TAFA2: variants seen among roughly 807,000 people sequenced by gnomAD.
The protein encoded by TAFA2 is chemokine-like protein TAFA-2.
Under a neutral mutation model 18.8 loss-of-function variants are expected in TAFA2, and 7 were observed. That is an observed-to-expected ratio of 0.37 (90% CI 0.21 to 0.70). The LOEUF (loss-of-function observed/expected upper bound fraction) is 0.70, where lower values mean the gene tolerates loss of function less well. Among genes scored for constraint, TAFA2 ranks in the 30% least tolerant of loss-of-function variants. The pLI, the probability that TAFA2 is intolerant of heterozygous loss-of-function variation, is 0.53. For synonymous variants in TAFA2, 60 were observed against 54.2 expected, an observed-to-expected ratio of 1.11 and a Z score of -0.47; for missense variants, 122 against 158.1, an observed-to-expected ratio of 0.77 and a Z score of 1.23.
At chr12:61,895,619 G>A (rs1875807924) in intron 1 of TAFA2, among the ~76,000 whole-genome samples, 1 of 152,152 alleles carries the variant, frequency 6.6e-6, no homozygotes, top group Non-Finnish European at 1.5e-5. Flanking sequence ...GCTTACTTCA[G>A]AAGACCTTAA....
intron 2 of TAFA2, among the ~76,000 whole-genome samples, chr12:61,810,936 G>A (rs1452937783): frequency 6.6e-6 from 1 of 151,320 alleles, no homozygotes; most frequent in Non-Finnish European, 1.5e-5. Context: ...CCACTGCCAA[G>A]TGGGTGGGAA....
chr12:61,809,389 T>A (rs184905267), intron 2 of TAFA2, among the ~76,000 whole-genome samples: 4 of 151,656 alleles, frequency 2.6e-5, no homozygotes, highest in Admixed American at 2.6e-4. Flanking sequence ...ATAGTGAGTA[T>A]CAATAAATGT....
intron 1 of TAFA2, among the ~76,000 whole-genome samples, chr12:62,043,639 T>A (rs1881830105): frequency 6.6e-6 from 1 of 152,050 alleles, no homozygotes; most frequent in African/African-American, 2.4e-5. Flanking sequence ...AAAAAAGAAT[T>A]ATTATGGTAA....
chr12:62,095,197 C>T (rs1447173450), intron 1 of TAFA2, among the ~76,000 whole-genome samples: 1 of 152,016 alleles, frequency 6.6e-6, no homozygotes, highest in African/African-American at 2.4e-5. Context: ...CATAAGAATG[C>T]TATGATAAGA....
chr12:61,743,425 A>T (rs1319193184), intron 4 of TAFA2, among the ~76,000 whole-genome samples: 1 of 151,990 alleles, frequency 6.6e-6, no homozygotes, highest in Non-Finnish European at 1.5e-5. Context: ...TTTCTTTCAC[A>T]TGCTATATCA....
intron 2 of TAFA2, among the ~76,000 whole-genome samples, chr12:61,765,499 A>G (rs1869750415): frequency 6.6e-6 from 1 of 152,124 alleles, no homozygotes; most frequent in East Asian, 1.9e-4. Context: ...GGACTTAGGA[A>G]GGAGTTGGGT....
At position 61,762,631 on chromosome 12, in the gene TAFA2, T is replaced by TATA. The variant is rs1555162973; in HGVS notation, c.107-7608_107-7607insTAT. 1.6e-4 allele frequency among the ~76,000 whole-genome samples: 7 copies of TATA among 44,680 alleles called. No individual in the cohort carries two copies. The South Asian group carries it at 3.2e-3, about 20-fold the overall frequency. The allele number at this position is 44,680 out of a possible 152,430, so 29.3% of individuals were successfully genotyped here. On this transcript the variant is annotated intron_variant, in intron 2 of 4. Coordinates refer to ENST00000416284, the MANE Select transcript of TAFA2 (RefSeq NM_178539.5). ...ATTCTATAGAAGTTCTAATTTCATTTTTTATATATATATATATATACATAC... is the reference window on the plus strand; with the variant it reads ...ATTCTATAGAAGTTCTAATTTCATTTATATTTATATATATATATATATACATAC...
chr12:62,188,600 G>A (rs1209324185), intron 1 of TAFA2, among the ~76,000 whole-genome samples: 2 of 152,058 alleles, frequency 1.3e-5, no homozygotes, highest in African/African-American at 2.4e-5. Context: ...TACCCTTCCT[G>A]TATAAGGTAA....
intron 2 of TAFA2, among the ~76,000 whole-genome samples, chr12:61,796,108 C>T (rs1261130813): frequency 6.6e-6 from 1 of 152,034 alleles, no homozygotes; most frequent in Admixed American, 6.6e-5. Flanking sequence ...ATAAACCTAC[C>T]ATATGATACA....
chr12:62,096,327 G>T (rs1868947486), intron 1 of TAFA2, among the ~76,000 whole-genome samples: 1 of 152,116 alleles, frequency 6.6e-6, no homozygotes, highest in Admixed American at 6.6e-5. Context: ...GTACTATAGA[G>T]AAAGCAGGAA....
chr12:62,044,362 G>C (rs542865966), intron 1 of TAFA2, among the ~76,000 whole-genome samples: 1 of 152,062 alleles, frequency 6.6e-6, no homozygotes, highest in African/African-American at 2.4e-5. Context: ...ACAAAAAGTG[G>C]TGAGAGGAAA....
intron 1 of TAFA2, among the ~76,000 whole-genome samples, chr12:62,071,177 A>G (rs897032228): frequency 1.3e-5 from 2 of 152,222 alleles, no homozygotes; most frequent in African/African-American, 4.8e-5. Context: ...TGCTACAGAA[A>G]GACTAAATGC....
At chr12:61,739,826 T>G (rs1030564127) in intron 4 of TAFA2, among the ~76,000 whole-genome samples, 1 of 152,092 alleles carries the variant, frequency 6.6e-6, no homozygotes, top group Non-Finnish European at 1.5e-5. Flanking sequence ...AGTTGGGGGT[T>G]GAGATTTCTA....
intron 4 of TAFA2, among the ~76,000 whole-genome samples, chr12:61,752,023 A>C (rs1869041930): frequency 6.6e-6 from 1 of 152,072 alleles, no homozygotes; most frequent in Admixed American, 6.6e-5. Flanking sequence ...ATTAGTACAA[A>C]GTACAGGTTA....
intron 1 of TAFA2, among the ~76,000 whole-genome samples, chr12:62,184,502 C>CT (rs10526118): frequency 8.5e-5 from 9 of 106,178 alleles, no homozygotes; most frequent in South Asian, 6.1e-4. Flanking sequence ...AAAAAAAATT[C>CT]TTTTTTTTTT....
intron 1 of TAFA2, among the ~76,000 whole-genome samples, chr12:62,092,811 C>G (rs1868776151): frequency 6.6e-6 from 1 of 151,924 alleles, no homozygotes; most frequent in Admixed American, 6.6e-5. Flanking sequence ...AGGAAATATT[C>G]TATCAAGGAA....
chr12:61,797,078 T>G (rs1158090651), intron 2 of TAFA2, among the ~76,000 whole-genome samples: 1 of 152,184 alleles, frequency 6.6e-6, no homozygotes, highest in African/African-American at 2.4e-5. Flanking sequence ...CACACAGATG[T>G]CAGACTAGCT....
intron 1 of TAFA2, among the ~76,000 whole-genome samples, chr12:62,094,878 T>G (rs1167287563): frequency 6.6e-6 from 1 of 151,956 alleles, no homozygotes; most frequent in Non-Finnish European, 1.5e-5. Context: ...ATTCACCAAA[T>G]TATCAAGACA....
chr12:61,917,718 T>C (rs540776452), intron 1 of TAFA2, among the ~76,000 whole-genome samples: 1 of 152,236 alleles, frequency 6.6e-6, no homozygotes, highest in South Asian at 2.1e-4. Flanking sequence ...GCAGAAAGAA[T>C]GAGAATGTAT....
Sources: allele counts gnomAD v4.1 joint callset (sites outside exome capture counted in the v4.1 genomes callset), GRCh38; gene constraint gnomAD v4.1.1; transcripts MANE v1.5; gene names NCBI Gene and HGNC (gene_info 2026-07-23, HGNC 2026-07-21).